The following TRIM75 variants were observed in gnomAD, a reference collection of about 807,000 sequenced individuals.
TRIM75 encodes tripartite motif-containing protein 75.
chr4:165,055,923 CTTT>C, the TRIM75 span, among the ~76,000 whole-genome samples: 4 of 135,596 alleles, frequency 2.9e-5, no homozygotes, highest in Non-Finnish European at 3.1e-5. Context: ...CTCTCTCTCC[CTTT>C]TTTTTTTTTT....
At chr4:165,059,753 C>G in the TRIM75 span, 3 of 780,756 alleles carry the variant, frequency 3.8e-6, no homozygotes, top group Admixed American at 5.1e-5. Context: ...AGGCAGTTCT[C>G]TCCAGATTAG....
the TRIM75 span, among the ~76,000 whole-genome samples, chr4:165,057,636 C>A: frequency 1.3e-5 from 2 of 151,976 alleles, no homozygotes; most frequent in South Asian, 4.2e-4. Context: ...TGGGTTCAAG[C>A]GATTCTCATG....
chr4:165,059,965 G>C, the TRIM75 span: 2 of 778,706 alleles, frequency 2.6e-6, no homozygotes, highest in Non-Finnish European at 4.8e-6. Flanking sequence ...CATTTAAAGA[G>C]AGATGGCTGC....
chr4:165,054,926 A>G, the TRIM75 span, among the ~76,000 whole-genome samples: 17 of 151,654 alleles, frequency 1.1e-4, no homozygotes, highest in Non-Finnish European at 1.9e-4. Flanking sequence ...GCAGTGAGGG[A>G]TGGTTTGTGT....
chr4:165,058,587 T>A, the TRIM75 span, among the ~76,000 whole-genome samples: 1 of 152,182 alleles, frequency 6.6e-6, no homozygotes, highest in Non-Finnish European at 1.5e-5. Flanking sequence ...CCAGTTAGGA[T>A]GACTGGTAAG....
chr4:165,057,223 T>C, the TRIM75 span, among the ~76,000 whole-genome samples: 2 of 152,128 alleles, frequency 1.3e-5, no homozygotes, highest in Non-Finnish European at 2.9e-5. Flanking sequence ...GAAAATCACA[T>C]TTTCAGCCTG....
chr4:165,059,860 T>C, the TRIM75 span: 1 of 780,748 alleles, frequency 1.3e-6, no homozygotes. Context: ...AGTAAGGTAG[T>C]AGAGCTCAGT....
the TRIM75 span, chr4:165,059,496 C>T: frequency 1.3e-6 from 1 of 780,914 alleles, no homozygotes; most frequent in South Asian, 1.3e-5. Flanking sequence ...GGTGTTGTGT[C>T]CGCTGTGCAC....
At chr4:165,053,910 C>T in the TRIM75 span, among the ~76,000 whole-genome samples, 1 of 151,444 alleles carries the variant, frequency 6.6e-6, no homozygotes, top group African/African-American at 2.4e-5. Context: ...TGGCCTTTTG[C>T]ACGGATAAAG....
At chr4:165,053,983 G>C in the TRIM75 span, among the ~76,000 whole-genome samples, 1 of 152,118 alleles carries the variant, frequency 6.6e-6, no homozygotes, top group Non-Finnish European at 1.5e-5. Context: ...GGGTGCGGGA[G>C]GCTGGAGTGT....
the TRIM75 span, chr4:165,059,318 T>G: frequency 1.3e-6 from 1 of 780,432 alleles, no homozygotes; most frequent in Non-Finnish European, 2.4e-6. Context: ...CTGTCTGTCG[T>G]CACCAGTGTC....
At chr4:165,059,371 T>C in the TRIM75 span, 9 of 780,654 alleles carry the variant, frequency 1.2e-5, no homozygotes, top group South Asian at 1.2e-4. Context: ...GGAAGGATGA[T>C]TGAAATTGCC....
At chr4:165,059,225 C>A in the TRIM75 span, 1 of 780,130 alleles carries the variant, frequency 1.3e-6, no homozygotes, top group Non-Finnish European at 2.4e-6. Context: ...TGAGTGACCC[C>A]GTCACCATCG....
chr4:165,056,281 TAA>T, the TRIM75 span, among the ~76,000 whole-genome samples: 3 of 144,542 alleles, frequency 2.1e-5, no homozygotes, highest in African/African-American at 5.4e-5. Context: ...TAAAAATAAA[TAA>T]GTTAATAAAA....
At chr4:165,059,833 C>T in the TRIM75 span, 1 of 780,778 alleles carries the variant, frequency 1.3e-6, no homozygotes, top group African/African-American at 1.7e-5. Flanking sequence ...TACAGTGCCA[C>T]ACTCAAAAGC....
chr4:165,059,161 C>G, the TRIM75 span: 3 of 775,772 alleles, frequency 3.9e-6, no homozygotes, highest in African/African-American at 5.1e-5. Context: ...GCAGTGGCAG[C>G]AGCTCTGACC....
chr4:165,059,596 C>T, the TRIM75 span: 1 of 780,816 alleles, frequency 1.3e-6, no homozygotes, highest in South Asian at 1.3e-5. Context: ...TACATCCAGC[C>T]CCTGAAAAAG....
At chr4:165,055,415 G>C in the TRIM75 span, among the ~76,000 whole-genome samples, 1 of 151,766 alleles carries the variant, frequency 6.6e-6, no homozygotes, top group African/African-American at 2.4e-5. Flanking sequence ...CTCCCGAGTA[G>C]CTGGGATTAC....
At chr4:165,059,669 G>C in the TRIM75 span, 2 of 780,930 alleles carry the variant, frequency 2.6e-6, no homozygotes, top group East Asian at 2.4e-5. Context: ...AACTGAGAGA[G>C]ATGGTGGAAA....
Sources: gnomAD v4.1 joint callset for allele counts (sites outside exome capture counted in the v4.1 genomes callset) on GRCh38, gnomAD v4.1.1 for gene constraint, MANE v1.5 for transcripts, NCBI Gene and HGNC (gene_info 2026-07-23, HGNC 2026-07-21) for gene names.